Variants in HMCN2 observed in about 807,000 individuals in gnomAD.
The protein encoded by HMCN2 is hemicentin-2.
In HMCN2, 325 loss-of-function variants were observed where a neutral mutation model predicts 377.5. The observed-to-expected ratio is 0.86, with a 90% CI of 0.79 to 0.94. HMCN2 has a LOEUF of 0.94. Ranked by LOEUF, HMCN2 falls within the 40% of genes least tolerant of loss-of-function variation. The pLI is 0.00. For synonymous variants in HMCN2, 2,007 were observed against 2,046.8 expected (o/e 0.98, Z 0.53); for missense variants, 4,543 against 4,725.3 (o/e 0.96, Z 1.13).
Position 130,303,048 on chromosome 9 carries a change from G to C in HMCN2, c.1421+47G>C. 1 of 443,474 alleles carries C rather than the reference G, an allele frequency of 2.3e-6. No homozygotes were observed. 27.5% of individuals were successfully genotyped at this position (443,474 alleles called of 1,614,324 possible). A position where few individuals can be genotyped will look rare whatever the true frequency, so the allele number is the denominator to read the frequency against. On this transcript the variant is annotated intron_variant, in intron 9 of 97. Transcript: ENST00000683500. This position sits in a 1 kb window ranked among gnomAD's most constrained non-coding sequence, Gnocchi z 5.2. ...ATTGTCCCCAGCCACAGGGCTCCTG[G>C]CTGCTGAGGCCCTGGAGGGATCTCA...
intron 26 of HMCN2, 105 bp from the exon 27 acceptor site, chr9:130,348,440 C>G: frequency 8.1e-7 from 1 of 1,233,826 alleles, no homozygotes. Flanking sequence ...GGCAGACCTT[C>G]TCCAACCCCA....
intron 1 of HMCN2, among the ~76,000 whole-genome samples, chr9:130,276,945 G>C (rs1250474230): frequency 1.3e-5 from 2 of 152,212 alleles, no homozygotes; most frequent in Non-Finnish European, 2.9e-5. Context: ...AGCCCCACTT[G>C]GAGAGAGAAG....
In HMCN2 at chr9:130,299,097, C is replaced by G; in HGVS notation, c.1085C>G (p.Ala362Gly). 2.1e-6 allele frequency: 1 copy of G among 471,136 alleles called. No homozygotes were observed. The highest frequency in any genetic ancestry group is 1.5e-5 in the South Asian group (1 of 64,566). The allele number at this position is 471,136 out of a possible 1,614,324, so 29.2% of individuals were successfully genotyped here. A position where few individuals can be genotyped will look rare whatever the true frequency, so the allele number is the denominator to read the frequency against. The change falls in exon 8 of 98, where the codon GCA (alanine) becomes GGA (glycine). Residue 362 changes from alanine to glycine, a missense_variant. Physicochemically the swap from Ala to Gly is moderately conservative, Grantham distance 60. Transcript: ENST00000683500. ...GGCCGCCTAGACTCGGTGGAGCTGG[C>G]ACAAAGCTCAGGGAAGCCCCTCCTG... is the stretch of plus-strand genomic sequence containing the variant. ...APGRLDSVEL[A>G]QSSGKPLLTL...
chr9:130,283,793 C>T (rs546950392), intron 1 of HMCN2, among the ~76,000 whole-genome samples: 16 of 152,244 alleles, frequency 1.1e-4, no homozygotes, highest in African/African-American at 3.6e-4. Context: ...GTGAATTTAC[C>T]AGTTTGTTTA....
intron 35 of HMCN2, 171 bp from the exon 36 acceptor site, chr9:130,358,219 G>A (rs1400362544): frequency 5.4e-6 from 3 of 551,256 alleles, no homozygotes; most frequent in Admixed American, 1.3e-4. Flanking sequence ...CCTGGAGATC[G>A]GACGAATCCC....
At position 130,299,110 on chromosome 9, in the gene HMCN2, G is replaced by A. The variant is rs1214556678; in HGVS notation, c.1098G>A (p.Gly366=). The change falls in exon 8 of 98, where the codon GGG becomes GGA. Residue 366 remains glycine, a synonymous_variant. Coordinates refer to ENST00000683500, the MANE Select transcript of HMCN2 (RefSeq NM_001291815.2). The part of the protein sequence containing the change: ...LDSVELAQSS[G]KPLLTLPTKP... ...CGGTGGAGCTGGCACAAAGCTCAGG[G>A]AAGCCCCTCCTGACTCTGCCCACGA... is the stretch of plus-strand genomic sequence containing the variant. 7 of 471,056 alleles carry A rather than the reference G, an allele frequency of 1.5e-5. No individual in the cohort carries two copies. Among genetic ancestry groups the A allele is most frequent in the Admixed American group, 9.4e-5 (4 of 42,568 alleles). The allele number at this position is 471,056 out of a possible 1,614,324, so 29.2% of individuals were successfully genotyped here. A position where few individuals can be genotyped will look rare whatever the true frequency, so the allele number is the denominator to read the frequency against.
chr9:130,408,697 C>A lies in HMCN2; in HGVS notation c.12689-46C>A, dbSNP rs558068089. The A allele has an allele frequency of 4.8e-6, 6 of 1,253,062 alleles. No homozygotes were observed. The African/African-American group carries it at 9.2e-5, about 19-fold the overall frequency. The allele number at this position is 1,253,062 out of a possible 1,614,324, so 77.6% of individuals were successfully genotyped here. A position where few individuals can be genotyped will look rare whatever the true frequency, so the allele number is the denominator to read the frequency against. ...TGGGGTTTATGGGAGGCTGAGCCAG[C>A]AGGCAACCTCTTTTCTGACAACTTG... On this transcript the variant is annotated intron_variant, in intron 83 of 97. Coordinates refer to ENST00000683500, the MANE Select transcript of HMCN2 (RefSeq NM_001291815.2).
At chr9:130,297,395 T>A (rs551763355) in intron 7 of HMCN2, among the ~76,000 whole-genome samples, 18 of 152,348 alleles carry the variant, frequency 1.2e-4, no homozygotes, top group African/African-American at 4.1e-4. Context: ...GCTATGGTTC[T>A]GCTGGGAGAA....
intron 15 of HMCN2, among the ~76,000 whole-genome samples, chr9:130,315,042 G>A (rs908400882): frequency 1.3e-5 from 2 of 151,726 alleles, no homozygotes; most frequent in Non-Finnish European, 2.9e-5. Context: ...GGAGGGGAGC[G>A]TGGCCTGACC....
At chr9:130,367,297 A>C (rs531296885) in intron 43 of HMCN2, among the ~76,000 whole-genome samples, 163 of 152,230 alleles carry the variant, frequency 1.1e-3, no homozygotes, top group African/African-American at 3.8e-3. Context: ...TCTGGAGCTC[A>C]GAGGAGAGGT....
At chr9:130,432,985 A>G (rs1844853028) in intron 97 of HMCN2, 1 of 368,820 alleles carries the variant, frequency 2.7e-6, no homozygotes. Flanking sequence ...GCCCGCGGCA[A>G]GGCTAAGCGC....
chr9:130,418,882 C>T lies in HMCN2; in HGVS notation c.13072C>T (p.Gln4358Ter). The change falls in exon 86 of 98, where the codon CAG becomes TAG. Residue 4358 changes from glutamine to a stop codon, truncating the protein, a stop_gained. Transcript: ENST00000683500. LOFTEE classifies it high-confidence loss of function. ...GEPTPTIEWL[Q>*]AGQPLRASRR... The stretch of plus-strand genomic sequence containing the variant: ...GCCCACACCCACCATTGAATGGCTA[C>T]AGGCGGGTCAACCCTTGCGGGCCAG... The T allele has an allele frequency of 1.3e-6, 2 of 1,549,898 alleles. No individual in the cohort carries two copies. Among genetic ancestry groups the T allele is most frequent in the Non-Finnish European group, 1.7e-6 (2 of 1,146,522 alleles).
At chr9:130,345,772 C>T (rs1839361778) in intron 25 of HMCN2, among the ~76,000 whole-genome samples, 1 of 151,924 alleles carries the variant, frequency 6.6e-6, no homozygotes, top group Non-Finnish European at 1.5e-5. Context: ...CCCAAGGACA[C>T]CCAGAGCGTG....
intron 1 of HMCN2, among the ~76,000 whole-genome samples, chr9:130,279,369 T>C (rs868983962): frequency 3.9e-4 from 59 of 152,244 alleles, no homozygotes; most frequent in African/African-American, 1.4e-3. Flanking sequence ...TTTGTTTTTT[T>C]TGAGATGGAG....
Position 130,433,580 on chromosome 9 carries a change from A to ATG in HMCN2, c.15127_15128insTG (p.Thr5043MetfsTer50). ...GCGCGCGGGCCTTGGCGCGGTCTACACCCGTCGCGCGCTCACCCGCGCCGG... is the reference window on the plus strand; with the variant it reads ...GCGCGCGGGCCTTGGCGCGGTCTACATGCCCGTCGCGCGCTCACCCGCGCCGG... On this transcript the variant is annotated frameshift_variant, in exon 98 of 98. Transcript: ENST00000683500. LOFTEE classifies it high-confidence loss of function. 6.6e-7 allele frequency: 1 copy of ATG among 1,507,440 alleles called. No homozygotes were observed. Among genetic ancestry groups the ATG allele is most frequent in the Non-Finnish European group, 8.8e-7 (1 of 1,130,908 alleles). 93.4% of individuals were successfully genotyped at this position (1,507,440 alleles called of 1,614,324 possible). A position where few individuals can be genotyped will look rare whatever the true frequency, so the allele number is the denominator to read the frequency against.
intron 96 of HMCN2, among the ~76,000 whole-genome samples, chr9:130,431,923 C>T (rs1177410326): frequency 1.3e-5 from 2 of 152,252 alleles, no homozygotes; most frequent in Admixed American, 6.5e-5. Flanking sequence ...AAACCGGGCA[C>T]AGTTTCCCTG....
chr9:130,401,371 T>G (rs746464066), intron 77 of HMCN2, among the ~76,000 whole-genome samples: 2 of 152,202 alleles, frequency 1.3e-5, no homozygotes, highest in Admixed American at 1.3e-4. Flanking sequence ...TTGCCCAGGC[T>G]GGAGTGCAAT....
Position 130,395,084 on chromosome 9 carries a change from A to AT in HMCN2, c.10750_10751insT (p.Lys3584IlefsTer77). On this transcript the variant is annotated frameshift_variant, in exon 70 of 98. Coordinates refer to ENST00000683500, the MANE Select transcript of HMCN2 (RefSeq NM_001291815.2). LOFTEE classifies it high-confidence loss of function. ...TGAAAGCCCTGCAGGTGCAATTGAG[A>AT]AGAGCTTCCGGGTCAGGGTTCAAGG... The AT allele has an allele frequency of 7.8e-7, 1 of 1,274,718 alleles. No individual in the cohort carries two copies. The highest frequency in any genetic ancestry group is 1.0e-6 in the Non-Finnish European group (1 of 985,128). 79.0% of individuals were successfully genotyped at this position (1,274,718 alleles called of 1,614,324 possible).
rs112701143 is a variant in HMCN2 at position 130,365,252 on chromosome 9, C to T, written c.6408+363C>T. Among the ~76,000 whole-genome samples, 996 of 152,386 alleles carry T rather than the reference C, an allele frequency of 6.5e-3. 4 individuals carry two copies. The highest frequency in any genetic ancestry group is 0.014 in the Middle Eastern group (4 of 294). ...GGATCTGAGCCCTGAGGACAGGTCC[C>T]CTGCACCCCACCAGCCTCATTCCTC... On this transcript the variant is annotated intron_variant, in intron 41 of 97. Transcript: ENST00000683500.
Sources: gnomAD v4.1 joint callset for allele counts (sites outside exome capture counted in the v4.1 genomes callset) on GRCh38, gnomAD v4.1.1 for gene constraint, Gnocchi (gnomAD v3.1) non-coding constraint, MANE v1.5 for transcripts, NCBI Gene and HGNC (gene_info 2026-07-23, HGNC 2026-07-21) for gene names.